The following BRWD3 variants were observed in gnomAD, a reference collection of about 807,000 sequenced individuals.
The protein encoded by BRWD3 is bromodomain and WD repeat-containing protein 3.
Under a neutral mutation model 149.7 loss-of-function variants are expected in BRWD3, and 10 were observed. The observed-to-expected ratio is 0.07, with a 90% CI of 0.04 to 0.11. The LOEUF is 0.11. BRWD3 is among the 10% of genes least tolerant of loss of function. The pLI is 1.00. For synonymous variants in BRWD3, 504 were observed against 456.7 expected, an observed-to-expected ratio of 1.10 and a Z score of -1.32; for missense variants, 940 against 1,373.2, an observed-to-expected ratio of 0.68 and a Z score of 4.99.
intron 8 of BRWD3, among the ~76,000 whole-genome samples, chrX:80,737,170 TCCG>T (rs1425829634): frequency 9.0e-6 from 1 of 111,319 alleles, no homozygotes; most frequent in Non-Finnish European, 1.9e-5. Context: ...TATATAGTCC[TCCG>T]TTGGTATCAT....
intron 6 of BRWD3, among the ~76,000 whole-genome samples, chrX:80,774,554 C>T (rs1236520589): frequency 9.0e-6 from 1 of 111,491 alleles, no homozygotes; most frequent in Non-Finnish European, 1.9e-5. Context: ...TATTTTCAAC[C>T]TTAGCTCCAG....
At chrX:80,738,805 C>T (rs1005276320) in intron 8 of BRWD3, among the ~76,000 whole-genome samples, 1 of 111,486 alleles carries the variant, frequency 9.0e-6, no homozygotes, top group African/African-American at 3.3e-5. Flanking sequence ...CAGCCATGTA[C>T]CTAGAATGTT....
rs1008784232 is a variant in BRWD3 at position 80,791,169 on chromosome X, A to G, written c.430+685T>C. Among the ~76,000 whole-genome samples, 7 of 112,169 alleles carry G rather than the reference A, an allele frequency of 6.2e-5. 1 individual carries two copies. The highest frequency in any genetic ancestry group is 1.9e-4 in the African/African-American group (6 of 30,922). ...AAGTATTCATATTTTTCTATCTGAAATTCATCCCTTTCAAATTATAGGCAT... is the reference window on the plus strand; with the variant it reads ...AAGTATTCATATTTTTCTATCTGAAGTTCATCCCTTTCAAATTATAGGCAT... On this transcript the variant is annotated intron_variant, in intron 6 of 40. Transcript: ENST00000373275.
At chrX:80,787,804 GC>G (rs1387631359) in intron 6 of BRWD3, among the ~76,000 whole-genome samples, 40 of 111,696 alleles carry the variant, frequency 3.6e-4, no homozygotes, top group African/African-American at 1.2e-3. Context: ...ACACTGGTAG[GC>G]CGGGCGTGGT....
At chrX:80,710,786 A>G in intron 20 of BRWD3, 1 of 419,932 alleles carries the variant, frequency 2.4e-6, no homozygotes, top group Non-Finnish European at 4.4e-6. Context: ...AATCATCAGT[A>G]GAATGGTGGT....
At chrX:80,704,987 T>C in intron 22 of BRWD3, 141 bp from the exon 23 acceptor site, 1 of 613,512 alleles carries the variant, frequency 1.6e-6, no homozygotes, top group Non-Finnish European at 2.5e-6. Context: ...AAAAATATCA[T>C]CCAGGCACGG....
intron 7 of BRWD3, among the ~76,000 whole-genome samples, chrX:80,744,760 A>T (rs2073567116): frequency 9.0e-6 from 1 of 111,611 alleles, no homozygotes; most frequent in African/African-American, 3.3e-5. Flanking sequence ...ATTCTACTCT[A>T]CTATGGTAGA....
chrX:80,726,355 TATAAC>T (rs1602359012), intron 14 of BRWD3, among the ~76,000 whole-genome samples: 1 of 63,174 alleles, frequency 1.6e-5, no homozygotes, highest in South Asian at 1.3e-3. Context: ...CTGTATAACA[TATAAC>T]ATGTTTACAT....
At position 80,709,314 on chromosome X, in the gene BRWD3, A is replaced by T. The variant is rs771731978; in HGVS notation, c.2475+114T>A. 5.2e-4 allele frequency: 291 copies of T among 560,251 alleles called. 1 individual carries two copies. The South Asian group carries it at 5.6e-3, about 11-fold the overall frequency. The allele number at this position is 560,251 out of a possible 1,213,427, so 46.2% of individuals were successfully genotyped here. A position where few individuals can be genotyped will look rare whatever the true frequency, so the allele number is the denominator to read the frequency against. ...TGTATTATTAATGAACAAATCTCTT[A>T]TAAGAATATAATTAAAATAATTTTC... On this transcript the variant is annotated intron_variant, in intron 21 of 40. Transcript: ENST00000373275.
At position 80,809,649 on chromosome X, in the gene BRWD3, T is replaced by C. The variant is rs2074388976; in HGVS notation, c.-178A>G. 2.3e-6 allele frequency: 1 copy of C among 435,518 alleles called. No homozygotes were observed. Among genetic ancestry groups the C allele is most frequent in the South Asian group, 3.7e-5 (1 of 27,082 alleles). 35.9% of individuals were successfully genotyped at this position (435,518 alleles called of 1,213,427 possible). ...CGCATCACGTTTCGACCCATAGATA[T>C]TCTAGCCCAAGAGCTGAGGAGGCGG... On this transcript the variant is annotated 5_prime_UTR_variant, in exon 1 of 41. Transcript: ENST00000373275.
At chrX:80,808,077 C>T (rs1305332224) in intron 4 of BRWD3, among the ~76,000 whole-genome samples, 1 of 90,257 alleles carries the variant, frequency 1.1e-5, no homozygotes, top group Non-Finnish European at 2.2e-5. Flanking sequence ...CCCGCCCCCC[C>T]CAAAAAAGAC....
chrX:80,697,948 C>T (rs2072725139), intron 25 of BRWD3, among the ~76,000 whole-genome samples: 1 of 112,339 alleles, frequency 8.9e-6, no homozygotes, highest in South Asian at 3.7e-4. Context: ...ATTCTCCTTT[C>T]TCCACAACCT....
chrX:80,724,904 T>G, intron 15 of BRWD3, 29 bp downstream of exon 15: 1 of 1,208,277 alleles, frequency 8.3e-7, no homozygotes. Context: ...GGTTTTAATG[T>G]GAACTAGATA....
chrX:80,729,500 A>G (rs896552080), intron 13 of BRWD3, among the ~76,000 whole-genome samples: 1 of 111,900 alleles, frequency 8.9e-6, no homozygotes, highest in African/African-American at 3.2e-5. Flanking sequence ...GATTAAGTGG[A>G]TATTTATTAC....
chrX:80,792,570 A>G (rs1256531895), intron 5 of BRWD3, among the ~76,000 whole-genome samples: 3 of 112,056 alleles, frequency 2.7e-5, no homozygotes, highest in Non-Finnish European at 5.6e-5. Context: ...TTTCCAAATA[A>G]ACTCAATTAA....
chrX:80,715,968 A>C (rs1446278309), intron 20 of BRWD3, among the ~76,000 whole-genome samples, 189 bp downstream of exon 20: 1 of 111,685 alleles, frequency 9.0e-6, no homozygotes, highest in African/African-American at 3.3e-5. Flanking sequence ...TTGGGGGGAC[A>C]CTCGACTTGT....
intron 27 of BRWD3, among the ~76,000 whole-genome samples, chrX:80,693,267 T>C (rs1218458124): frequency 8.9e-6 from 1 of 112,334 alleles, no homozygotes; most frequent in African/African-American, 3.2e-5. Flanking sequence ...AAATTACATA[T>C]GACCACATCT....
chrX:80,778,713 A>C, intron 6 of BRWD3, among the ~76,000 whole-genome samples: 1 of 112,744 alleles, frequency 8.9e-6, no homozygotes, highest in Non-Finnish European at 1.9e-5. Flanking sequence ...TTTTTAAAAA[A>C]TTTGGCCAGG....
chrX:80,787,124 A>G (rs2147848482), intron 6 of BRWD3, among the ~76,000 whole-genome samples: 1 of 111,995 alleles, frequency 8.9e-6, no homozygotes, highest in Non-Finnish European at 1.9e-5. Context: ...AAAACTATAT[A>G]AAAACCATAA....
Sources: gnomAD v4.1 joint callset for allele counts (sites outside exome capture counted in the v4.1 genomes callset) on GRCh38, gnomAD v4.1.1 for gene constraint, MANE v1.5 for transcripts, NCBI Gene and HGNC (gene_info 2026-07-23, HGNC 2026-07-21) for gene names.